TCF15: variants seen among roughly 807,000 people sequenced by gnomAD.
The protein encoded by TCF15 is transcription factor 15.
A neutral mutation model predicts 11.1 loss-of-function variants in TCF15; 7 were observed. The ratio of observed to expected loss-of-function variants is 0.63; its 90% confidence interval spans 0.36 to 1.19. The LOEUF (loss-of-function observed/expected upper bound fraction) is 1.19, where lower values mean the gene tolerates loss of function less well. Among genes scored for constraint, TCF15 ranks in the 50% most tolerant of loss-of-function variants. The pLI is 0.02. For synonymous variants in TCF15, 144 were observed against 138.9 expected, an observed-to-expected ratio of 1.04 and a Z score of -0.26; for missense variants, 288 against 289.4, an observed-to-expected ratio of 1.00 and a Z score of 0.03.
chr20:604,738 C>T lies in TCF15; in HGVS notation c.526-73G>A. 8.7e-7 allele frequency: 1 copy of T among 1,154,178 alleles called. No individual in the cohort carries two copies. Among genetic ancestry groups the T allele is most frequent in the Admixed American group, 2.8e-5 (1 of 35,268 alleles). The allele number at this position is 1,154,178 out of a possible 1,614,324, so 71.5% of individuals were successfully genotyped here. A position where few individuals can be genotyped will look rare whatever the true frequency, so the allele number is the denominator to read the frequency against. ...GAACACTGGAACTAACCTCTGTATC[C>T]CTCAAGAGGGATCCTGATCAATAAA... On this transcript the variant is annotated intron_variant, in intron 1 of 1. Transcript: ENST00000246080. The surrounding 1 kb of genome is among the most constrained non-coding windows in gnomAD (Gnocchi z 4.2).
intron 1 of TCF15, among the ~76,000 whole-genome samples, chr20:606,062 C>T (rs1232346283): frequency 6.6e-6 from 1 of 151,840 alleles, no homozygotes; most frequent in East Asian, 1.9e-4. Context: ...GCCCCCTCCA[C>T]CCCCAGGTCC....
In TCF15 at chr20:609,789, G is replaced by A. The variant is rs745916084; in HGVS notation, c.449C>T (p.Ala150Val). ...CFRAAGSAKG[A>V]VPAAADGGRQ... ...GCCGCCGTCGGCGGCGGCGGGGACG[G>A]CGCCCTTGGCACTGCCCGCGGCACG... Residue 150 changes from alanine (A) to valine (V), a missense_variant, in exon 1 of 2, where the codon GCC (alanine) becomes GTC (valine). Physicochemically the swap from Ala to Val is moderately conservative, Grantham distance 64. Coordinates refer to ENST00000246080, the MANE Select transcript of TCF15 (RefSeq NM_004609.4). This position sits in a 1 kb window ranked among gnomAD's most constrained non-coding sequence, Gnocchi z 4.7. The A allele has an allele frequency of 2.1e-6, 3 of 1,436,334 alleles. No individual in the cohort carries two copies. Among genetic ancestry groups the A allele is most frequent in the Admixed American group, 3.1e-5 (1 of 31,940 alleles). 89.0% of individuals were successfully genotyped at this position (1,436,334 alleles called of 1,614,324 possible). A position where few individuals can be genotyped will look rare whatever the true frequency, so the allele number is the denominator to read the frequency against.
intron 1 of TCF15, among the ~76,000 whole-genome samples, chr20:605,324 C>T (rs568195284): frequency 3.7e-4 from 57 of 152,378 alleles, no homozygotes; most frequent in African/African-American, 1.3e-3. Flanking sequence ...GCGGCTCACT[C>T]GTCCACCTTT....
Position 604,513 on chromosome 20 carries a change from G to T in TCF15, c.*78C>A. 7.4e-7 allele frequency: 1 copy of T among 1,342,754 alleles called. No individual in the cohort carries two copies. Among genetic ancestry groups the T allele is most frequent in the South Asian group, 1.2e-5 (1 of 80,142 alleles). The allele number at this position is 1,342,754 out of a possible 1,614,324, so 83.2% of individuals were successfully genotyped here. On this transcript the variant is annotated 3_prime_UTR_variant, in exon 2 of 2. Transcript: ENST00000246080. This position sits in a 1 kb window ranked among gnomAD's most constrained non-coding sequence, Gnocchi z 4.2. ...GTCCCCCGGTCCCTACACAAAGAAG[G>T]GGTGGGCTTGGCTCCTGGGGTCTTC...
chr20:609,741 G>A lies in TCF15; in HGVS notation c.497C>T (p.Thr166Ile), dbSNP rs765810658. 4.3e-6 allele frequency: 6 copies of A among 1,406,324 alleles called. No homozygotes were observed. Among genetic ancestry groups the A allele is most frequent in the South Asian group, 1.6e-5 (1 of 63,422 alleles). The allele number at this position is 1,406,324 out of a possible 1,614,324, so 87.1% of individuals were successfully genotyped here. Residue 166 changes from threonine (T) to isoleucine (I), a missense_variant, in exon 1 of 2, where the codon ACC (threonine) becomes ATC (isoleucine). Physicochemically the swap from Thr to Ile is moderately conservative, Grantham distance 89 (BLOSUM62 -1). Transcript: ENST00000246080. This position sits in a 1 kb window ranked among gnomAD's most constrained non-coding sequence, Gnocchi z 4.7. ...DGGRQPRSIC[T>I]FCLSNQRKGG... Reference sequence around the variant, plus strand: ...CTTGCGCTGGTTGCTGAGGCAGAAGGTGCAGATGGAGCGCGGCTGGCGGCC... The same window carrying A: ...CTTGCGCTGGTTGCTGAGGCAGAAGATGCAGATGGAGCGCGGCTGGCGGCC...
At chr20:606,061 AC>A (rs566813463) in intron 1 of TCF15, among the ~76,000 whole-genome samples, 97 of 150,844 alleles carry the variant, frequency 6.4e-4, no homozygotes, top group African/African-American at 2.3e-3. Flanking sequence ...TGCCCCCTCC[AC>A]CCCCAGGTCC....
rs966730645 is a variant in TCF15 at position 604,316 on chromosome 20, C to T, written c.*275G>A. 5 of 551,482 alleles carry T rather than the reference C, an allele frequency of 9.1e-6. No individual in the cohort carries two copies. The highest frequency in any genetic ancestry group is 3.2e-5 in the Admixed American group (1 of 31,218). The allele number at this position is 551,482 out of a possible 1,614,324, so 34.2% of individuals were successfully genotyped here. A position where few individuals can be genotyped will look rare whatever the true frequency, so the allele number is the denominator to read the frequency against. On this transcript the variant is annotated 3_prime_UTR_variant, in exon 2 of 2. Coordinates refer to ENST00000246080, the MANE Select transcript of TCF15 (RefSeq NM_004609.4). This position sits in a 1 kb window ranked among gnomAD's most constrained non-coding sequence, Gnocchi z 4.2. Reference sequence around the variant, plus strand: ...CAATTCTCTCTCACACACACTCACACTCACGCACAGATACACACACACCCT... The same window carrying T: ...CAATTCTCTCTCACACACACTCACATTCACGCACAGATACACACACACCCT...
Position 609,568 on chromosome 20 carries a change from G to C in TCF15, c.525+145C>G. ...CTGGGCATTAAGTCAGTGGTTCTGGGCTTGGGGTGCCGCACCCAGCACGAA... is the reference window on the plus strand; with the variant it reads ...CTGGGCATTAAGTCAGTGGTTCTGGCCTTGGGGTGCCGCACCCAGCACGAA... On this transcript the variant is annotated intron_variant, in intron 1 of 1. Coordinates refer to ENST00000246080, the MANE Select transcript of TCF15 (RefSeq NM_004609.4). This position sits in a 1 kb window ranked among gnomAD's most constrained non-coding sequence, Gnocchi z 4.7. 1 of 983,000 alleles carries C rather than the reference G, an allele frequency of 1.0e-6. No individual in the cohort carries two copies. Among genetic ancestry groups the C allele is most frequent in the Non-Finnish European group, 1.3e-6 (1 of 750,654 alleles). 60.9% of individuals were successfully genotyped at this position (983,000 alleles called of 1,614,324 possible).
rs1374692238 is a variant in TCF15 at position 610,052 on chromosome 20, GCCGCCGCCCGC to G, written c.175_185del (p.Ala59ArgfsTer118). On this transcript the variant is annotated frameshift_variant, in exon 1 of 2. Transcript: ENST00000246080. LOFTEE classifies it high-confidence loss of function. Reference sequence around the variant, plus strand: ...CCACCACCACGGGGCCCGCGCCGCCGCCGCCGCCCGCCCGCCGCCCGCCCCCGGGGCCCGGG... The same window carrying G: ...CCACCACCACGGGGCCCGCGCCGCCGCCGCCGCCCGCCCCCGGGGCCCGGG... The G allele has an allele frequency of 9.0e-6, 10 of 1,105,518 alleles. No homozygotes were observed. Among genetic ancestry groups the G allele is most frequent in the East Asian group, 4.9e-5 (1 of 20,424 alleles). The allele number at this position is 1,105,518 out of a possible 1,614,324, so 68.5% of individuals were successfully genotyped here.
In TCF15 at chr20:609,522, C is replaced by T. The variant is rs759054572; in HGVS notation, c.525+191G>A. 2.6e-5 allele frequency among the ~76,000 whole-genome samples: 4 copies of T among 152,044 alleles called. No homozygotes were observed. The highest frequency in any genetic ancestry group is 6.5e-5 in the Admixed American group (1 of 15,280). Reference sequence around the variant, plus strand: ...ATCAGACCCGAACTCTGGGTTTTCCCGCATCCTTCTGTTTGGGGGCCTGGG... The same window carrying T: ...ATCAGACCCGAACTCTGGGTTTTCCTGCATCCTTCTGTTTGGGGGCCTGGG... On this transcript the variant is annotated intron_variant, in intron 1 of 1. Transcript: ENST00000246080. This position sits in a 1 kb window ranked among gnomAD's most constrained non-coding sequence, Gnocchi z 4.7.
intron 1 of TCF15, among the ~76,000 whole-genome samples, chr20:607,987 C>T (rs769982829): frequency 2.6e-5 from 4 of 152,228 alleles, no homozygotes; most frequent in Non-Finnish European, 5.9e-5. Flanking sequence ...CTCTGCACTC[C>T]TGCCACTTTT....
chr20:608,618 G>A (rs905469030), intron 1 of TCF15, among the ~76,000 whole-genome samples: 1 of 152,204 alleles, frequency 6.6e-6, no homozygotes, highest in African/African-American at 2.4e-5. Context: ...GGTGGTCTCA[G>A]GCCAAGATGC....
chr20:605,849 G>A (rs2019969706), intron 1 of TCF15, among the ~76,000 whole-genome samples: 1 of 152,198 alleles, frequency 6.6e-6, no homozygotes, highest in South Asian at 2.1e-4. Flanking sequence ...TGAATGACTG[G>A]CCCAGAGGCA....
chr20:608,463 G>A (rs1302159175), intron 1 of TCF15, among the ~76,000 whole-genome samples: 1 of 152,208 alleles, frequency 6.6e-6, no homozygotes, highest in African/African-American at 2.4e-5. Flanking sequence ...AGCCCAGCCT[G>A]GGGCACTGAC....
rs760281803 is a variant in TCF15, at chr20:609,814, G to A, written c.424C>T (p.Arg142Cys). 5 of 1,504,700 alleles carry A rather than the reference G, an allele frequency of 3.3e-6. No individual in the cohort carries two copies. In the South Asian group the frequency reaches 3.8e-5, roughly 12 times the overall value. 93.2% of individuals were successfully genotyped at this position (1,504,700 alleles called of 1,614,324 possible). ...GCGCCCTTGGCACTGCCCGCGGCAC[G>A]GAAGCACGGCTGCCCGTCGTCGGCC... ...DSADDGQPCF[R>C]AAGSAKGAVP... is the part of the protein sequence containing the mutation. The change falls in exon 1 of 2, where the codon CGT becomes TGT. Residue 142 changes from arginine to cysteine, a missense_variant. Arg to Cys is a radical substitution (Grantham distance 180). Coordinates refer to ENST00000246080, the MANE Select transcript of TCF15 (RefSeq NM_004609.4). The surrounding 1 kb of genome is among the most constrained non-coding windows in gnomAD (Gnocchi z 4.7).
In TCF15 at chr20:610,090, C is replaced by T; in HGVS notation, c.148G>A (p.Gly50Ser). The T allele has an allele frequency of 1.0e-6, 1 of 984,620 alleles. No homozygotes were observed. Among genetic ancestry groups the T allele is most frequent in the South Asian group, 4.4e-5 (1 of 22,812 alleles). 61.0% of individuals were successfully genotyped at this position (984,620 alleles called of 1,614,324 possible). A position where few individuals can be genotyped will look rare whatever the true frequency, so the allele number is the denominator to read the frequency against. ...CGCCGCCCGCCCCCGGGGCCCGGGC[C>T]GCGCCGCGCCGCCTCCGGGCCCTCG... is the stretch of plus-strand genomic sequence containing the variant. Reference protein sequence around the residue: ...CCEGPEAARRGPGPGGGRRAG... With the variant: ...CCEGPEAARRSPGPGGGRRAG... The change falls in exon 1 of 2, where the codon GGC becomes AGC. Residue 50 changes from glycine to serine, a missense_variant. By Grantham distance (56) the Gly-to-Ser change is moderately conservative. Transcript: ENST00000246080.
chr20:605,377 C>T (rs377316425), intron 1 of TCF15, among the ~76,000 whole-genome samples: 7 of 152,332 alleles, frequency 4.6e-5, no homozygotes, highest in East Asian at 1.9e-4. Flanking sequence ...TCCCTCAGGG[C>T]GTCCCCTTTC....
chr20:604,572 CCTT>C lies in TCF15; in HGVS notation c.*16_*18del. 1 of 1,550,698 alleles carries C rather than the reference CCTT, an allele frequency of 6.4e-7. No homozygotes were observed. Among genetic ancestry groups the C allele is most frequent in the Non-Finnish European group, 8.7e-7 (1 of 1,146,350 alleles). On this transcript the variant is annotated 3_prime_UTR_variant, in exon 2 of 2. Coordinates refer to ENST00000246080, the MANE Select transcript of TCF15 (RefSeq NM_004609.4). The surrounding 1 kb of genome is among the most constrained non-coding windows in gnomAD (Gnocchi z 4.2). ...CCAGCCAGTGGCTGGCTCCTGGCCT[CCTT>C]CTCCAGGGTCCAGGCTCATCTCCGT...
At position 604,742 on chromosome 20, in the gene TCF15, A is replaced by T; in HGVS notation, c.526-77T>A. ...ACTGGAACTAACCTCTGTATCCCTC[A>T]AGAGGGATCCTGATCAATAAATCAC... is the stretch of plus-strand genomic sequence containing the variant. On this transcript the variant is annotated intron_variant, in intron 1 of 1. Transcript: ENST00000246080. This position sits in a 1 kb window ranked among gnomAD's most constrained non-coding sequence, Gnocchi z 4.2. The T allele has an allele frequency of 9.0e-7, 1 of 1,111,688 alleles. No individual in the cohort carries two copies. The highest frequency in any genetic ancestry group is 1.3e-6 in the Non-Finnish European group (1 of 784,720). 68.9% of individuals were successfully genotyped at this position (1,111,688 alleles called of 1,614,324 possible). A position where few individuals can be genotyped will look rare whatever the true frequency, so the allele number is the denominator to read the frequency against.
Sources: gnomAD v4.1 joint callset for allele counts (sites outside exome capture counted in the v4.1 genomes callset) on GRCh38, gnomAD v4.1.1 for gene constraint, Gnocchi (gnomAD v3.1) non-coding constraint, MANE v1.5 for transcripts, NCBI Gene and HGNC (gene_info 2026-07-23, HGNC 2026-07-21) for gene names.